Variants in DPY19L1 observed in about 807,000 individuals in gnomAD.
DPY19L1 encodes dpy-19 like C-mannosyltransferase 1, also known as protein C-mannosyl-transferase DPY19L1.
A neutral mutation model predicts 96.9 loss-of-function variants in DPY19L1; 35 were observed. The observed-to-expected ratio is 0.36, with a 90% CI of 0.28 to 0.48. The LOEUF (loss-of-function observed/expected upper bound fraction) is 0.48. DPY19L1 is among the 20% of genes least tolerant of loss of function. The pLI is 0.99. For missense variants in DPY19L1, 521 were observed against 777.9 expected (o/e 0.67, Z 3.93); for synonymous variants, 205 against 252.6 (o/e 0.81, Z 1.79).
At chr7:34,976,981 G>A (rs1279562278) in intron 7 of DPY19L1, among the ~76,000 whole-genome samples, 4 of 151,884 alleles carry the variant, frequency 2.6e-5, no homozygotes, top group Non-Finnish European at 5.9e-5. Context: ...TAGAGAAAGG[G>A]TTTCACCATG....
At chr7:35,000,972 C>A (rs145594377) in intron 6 of DPY19L1, among the ~76,000 whole-genome samples, 2 of 152,160 alleles carry the variant, frequency 1.3e-5, no homozygotes, top group Non-Finnish European at 2.9e-5. Flanking sequence ...GTAGAGCACA[C>A]GTTTTGGAGC....
At chr7:34,984,950 G>A (rs1210399530) in intron 7 of DPY19L1, among the ~76,000 whole-genome samples, 1 of 152,138 alleles carries the variant, frequency 6.6e-6, no homozygotes, top group Non-Finnish European at 1.5e-5. Context: ...TGTTCACAAG[G>A]ATAGGAGTCT....
At chr7:34,969,326 GT>G (rs1377548143) in intron 9 of DPY19L1, 106 bp downstream of exon 9, 4 of 538,328 alleles carry the variant, frequency 7.4e-6, no homozygotes, top group East Asian at 3.3e-5. Flanking sequence ...ATGTTTTAGT[GT>G]TTTAGGACTT....
chr7:35,017,017 A>G (rs1379491717), intron 3 of DPY19L1, among the ~76,000 whole-genome samples: 1 of 149,380 alleles, frequency 6.7e-6, no homozygotes, highest in Non-Finnish European at 1.5e-5. Context: ...TTTTTTTTTT[A>G]AAGTGCCAAA....
intron 10 of DPY19L1, among the ~76,000 whole-genome samples, chr7:34,966,626 T>C (rs963877404): frequency 1.3e-4 from 20 of 152,174 alleles, no homozygotes; most frequent in African/African-American, 4.6e-4. Context: ...TCCTGGATAA[T>C]ATATCAGCCC....
At chr7:34,977,605 C>G (rs1459493919) in intron 7 of DPY19L1, among the ~76,000 whole-genome samples, 15 of 152,122 alleles carry the variant, frequency 9.9e-5, no homozygotes, top group Non-Finnish European at 1.3e-4. Flanking sequence ...AGGTCTGGTA[C>G]AAACATAATT....
intron 4 of DPY19L1, 146 bp downstream of exon 4, chr7:35,013,422 A>G (rs951071708): frequency 2.4e-5 from 14 of 580,894 alleles, no homozygotes; most frequent in Non-Finnish European, 3.7e-5. Flanking sequence ...GATCTTTTTT[A>G]CATATTCCTC....
intron 8 of DPY19L1, among the ~76,000 whole-genome samples, chr7:34,972,626 A>G (rs1475457487): frequency 6.6e-6 from 1 of 152,174 alleles, no homozygotes; most frequent in East Asian, 1.9e-4. Flanking sequence ...TCTTACAGAG[A>G]TGTTTGAGAA....
At position 34,944,609 on chromosome 7, in the gene DPY19L1, C is replaced by T. The variant is rs57212980; in HGVS notation, c.1544+1058G>A. 3.0e-3 allele frequency among the ~76,000 whole-genome samples: 456 copies of T among 152,244 alleles called. 4 individuals carry two copies. The highest frequency in any genetic ancestry group is 0.01 in the African/African-American group (435 of 41,548). The stretch of plus-strand genomic sequence containing the variant: ...TATAATTATCCTATACACACACACA[C>T]TGGCAATTTTAAAAATTCAATAATG... On this transcript the variant is annotated intron_variant, in intron 16 of 21. Coordinates refer to ENST00000638088, the MANE Select transcript of DPY19L1 (RefSeq NM_001366673.1).
chr7:34,956,537 C>G (rs1401383208), intron 11 of DPY19L1, among the ~76,000 whole-genome samples: 1 of 149,534 alleles, frequency 6.7e-6, no homozygotes, highest in African/African-American at 2.5e-5. Context: ...AATGGAGTCT[C>G]GCTCTGTTGC....
intron 1 of DPY19L1, among the ~76,000 whole-genome samples, chr7:35,024,508 C>G (rs545093482): frequency 1.3e-5 from 2 of 152,248 alleles, no homozygotes; most frequent in South Asian, 4.2e-4. Context: ...AAGTCAATTT[C>G]GAAACATACA....
intron 11 of DPY19L1, 69 bp downstream of exon 11, chr7:34,957,915 G>A: frequency 1.0e-6 from 1 of 998,662 alleles, no homozygotes; most frequent in Non-Finnish European, 1.5e-6. Flanking sequence ...TGAATCCTAA[G>A]CCAGTGAAGA....
At chr7:35,031,274 T>C (rs1786253818) in intron 1 of DPY19L1, among the ~76,000 whole-genome samples, 1 of 152,176 alleles carries the variant, frequency 6.6e-6, no homozygotes, top group Non-Finnish European at 1.5e-5. Context: ...CCCTAAACAA[T>C]ACAGTGTAAC....
chr7:34,933,934 C>A (rs1324384532), intron 21 of DPY19L1, among the ~76,000 whole-genome samples: 1 of 152,110 alleles, frequency 6.6e-6, no homozygotes, highest in African/African-American at 2.4e-5. Flanking sequence ...AGTCAGTACT[C>A]CTTAATAAAC....
At chr7:34,971,590 A>T (rs536568427) in intron 8 of DPY19L1, among the ~76,000 whole-genome samples, 1 of 152,362 alleles carries the variant, frequency 6.6e-6, no homozygotes, top group Middle Eastern at 3.4e-3. Flanking sequence ...CTGGAATATA[A>T]ACAGAGACAA....
chr7:34,994,720 C>T (rs1220071051), intron 6 of DPY19L1, among the ~76,000 whole-genome samples: 4 of 151,768 alleles, frequency 2.6e-5, no homozygotes, highest in East Asian at 1.9e-4. Context: ...AGGAGAATGG[C>T]GTGAACCCAG....
chr7:34,965,706 T>C (rs1351825165), intron 10 of DPY19L1, among the ~76,000 whole-genome samples: 2 of 152,174 alleles, frequency 1.3e-5, no homozygotes, highest in Non-Finnish European at 2.9e-5. Flanking sequence ...TGGGATATTA[T>C]GACAACTGTA....
In DPY19L1 at chr7:35,007,588, G is replaced by GGTGT. The variant is rs71551083; in HGVS notation, c.764+2876_764+2879dup. 6.4e-3 allele frequency among the ~76,000 whole-genome samples: 961 copies of GGTGT among 150,474 alleles called. 11 individuals carry two copies. Among genetic ancestry groups the GGTGT allele is most frequent in the African/African-American group, 0.021 (854 of 40,936 alleles). On this transcript the variant is annotated intron_variant, in intron 6 of 21. Coordinates refer to ENST00000638088, the MANE Select transcript of DPY19L1 (RefSeq NM_001366673.1). Reference sequence around the variant, plus strand: ...TACACAACTCAGCACACACACGTGTGGTGTGTGTGTGTGTGTGTGTGTATA... The same window carrying GGTGT: ...TACACAACTCAGCACACACACGTGTGGTGTGTGTGTGTGTGTGTGTGTGTGTATA...
At chr7:34,973,455 T>C in intron 8 of DPY19L1, 59 bp downstream of exon 8, 1 of 1,082,716 alleles carries the variant, frequency 9.2e-7, no homozygotes, top group Non-Finnish European at 1.2e-6. Flanking sequence ...TATGGAAGCT[T>C]AAGAAATTTT....
Sources: gnomAD v4.1 joint callset for allele counts (sites outside exome capture counted in the v4.1 genomes callset) on GRCh38, gnomAD v4.1.1 for gene constraint, MANE v1.5 for transcripts, NCBI Gene and HGNC (gene_info 2026-07-23, HGNC 2026-07-21) for gene names.